The following SORCS2 variants were observed in gnomAD, a reference collection of about 807,000 sequenced individuals.
SORCS2 encodes sortilin related VPS10 domain containing receptor 2.
SORCS2 carries 100 observed loss-of-function variants against 141.6 expected under a neutral mutation model. The observed-to-expected ratio is 0.71, with a 90% CI of 0.60 to 0.83. SORCS2 has a LOEUF of 0.83. SORCS2 is among the 40% of genes least tolerant of loss of function. The pLI is 0.00. For synonymous variants in SORCS2, 789 were observed against 676.9 expected (o/e 1.17, Z -2.57); for missense variants, 1,646 against 1,560.2 (o/e 1.05, Z -0.93).
At chr4:7,575,587 A>C (rs374935402) in intron 3 of SORCS2, among the ~76,000 whole-genome samples, 2 of 152,250 alleles carry the variant, frequency 1.3e-5, no homozygotes, top group Admixed American at 1.3e-4. Context: ...TCGCAATAAC[A>C]GTGCCAAGTA....
intron 2 of SORCS2, among the ~76,000 whole-genome samples, chr4:7,485,294 C>T (rs1730907988): frequency 6.6e-6 from 1 of 152,230 alleles, no homozygotes; most frequent in Non-Finnish European, 1.5e-5. Flanking sequence ...CTCCACATTA[C>T]CAGGAGCATG....
chr4:7,585,014 G>A (rs1302955233), intron 3 of SORCS2, among the ~76,000 whole-genome samples: 1 of 152,310 alleles, frequency 6.6e-6, no homozygotes, highest in Middle Eastern at 3.4e-3. Flanking sequence ...CAACATGCAC[G>A]CCCTGAGAGG....
chr4:7,354,772 C>T (rs1420755354), intron 1 of SORCS2, among the ~76,000 whole-genome samples: 2 of 152,146 alleles, frequency 1.3e-5, no homozygotes, highest in South Asian at 2.1e-4. Context: ...CCCCACAGCA[C>T]GAGGAGCCCT....
At position 7,385,448 on chromosome 4, in the gene SORCS2, C is replaced by T. The variant is rs553362476; in HGVS notation, c.481-10840C>T. Among the ~76,000 whole-genome samples the T allele has an allele frequency of 3.3e-5, 5 of 152,310 alleles. 1 individual carries two copies. In the South Asian group the frequency reaches 8.3e-4, roughly 25 times the overall value. ...GAAGGGAAGGGGCCAGCAGGAAGTCCTCTCTTTCATGCGGGCTGGAGAGAG... is the reference window on the plus strand; with the variant it reads ...GAAGGGAAGGGGCCAGCAGGAAGTCTTCTCTTTCATGCGGGCTGGAGAGAG... On this transcript the variant is annotated intron_variant, in intron 1 of 26. Coordinates refer to ENST00000507866, the MANE Select transcript of SORCS2 (RefSeq NM_020777.3).
intron 2 of SORCS2, among the ~76,000 whole-genome samples, chr4:7,485,608 G>A (rs1385439582): frequency 6.6e-6 from 1 of 152,262 alleles, no homozygotes; most frequent in Non-Finnish European, 1.5e-5. Flanking sequence ...GGAAAACACG[G>A]GAAGGAAACG....
intron 2 of SORCS2, among the ~76,000 whole-genome samples, chr4:7,479,415 C>T (rs1730494640): frequency 6.6e-6 from 1 of 152,164 alleles, no homozygotes; most frequent in Non-Finnish European, 1.5e-5. Context: ...CAAACCTGCT[C>T]CAATTAGACA....
chr4:7,246,839 G>A (rs978311385), intron 1 of SORCS2, among the ~76,000 whole-genome samples: 16 of 152,170 alleles, frequency 1.1e-4, no homozygotes, highest in African/African-American at 3.6e-4. Flanking sequence ...CTCTTTCGCC[G>A]TGACTCGGCT....
chr4:7,229,690 C>T (rs1234278487), intron 1 of SORCS2, among the ~76,000 whole-genome samples: 1 of 152,246 alleles, frequency 6.6e-6, no homozygotes, highest in Non-Finnish European at 1.5e-5. Context: ...GTTCCAGGGT[C>T]GTGGGTGTTA....
chr4:7,360,261 A>G (rs1233196300), intron 1 of SORCS2, among the ~76,000 whole-genome samples: 2 of 152,128 alleles, frequency 1.3e-5, no homozygotes, highest in South Asian at 4.1e-4. Context: ...CATTCTTTCC[A>G]TTTTGCAGAT....
In SORCS2 at chr4:7,697,213, A is replaced by T; in HGVS notation, c.1607A>T (p.Gln536Leu). The change falls in exon 12 of 27, where the codon CAG (glutamine) becomes CTG (leucine). Residue 536 changes from glutamine to leucine, a missense_variant. Coordinates refer to ENST00000507866, the MANE Select transcript of SORCS2 (RefSeq NM_020777.3). Reference sequence around the variant, plus strand: ...TTTGGACCAGGTAACCTGGGCTCACAGCTGGTGGAATATAAAGAAGAAATG... The same window carrying T: ...TTTGGACCAGGTAACCTGGGCTCACTGCTGGTGGAATATAAAGAAGAAATG... ...LIMGAGNLGS[Q>L]LVEYKEEMYI... The T allele has an allele frequency of 6.3e-7, 1 of 1,585,460 alleles. No homozygotes were observed. Among genetic ancestry groups the T allele is most frequent in the Non-Finnish European group, 8.6e-7 (1 of 1,165,892 alleles).
intron 3 of SORCS2, among the ~76,000 whole-genome samples, chr4:7,532,159 T>A (rs948898453): frequency 1.2e-4 from 18 of 152,094 alleles, no homozygotes; most frequent in African/African-American, 4.3e-4. Context: ...CCACCGTGGG[T>A]TCCGTGAGAA....
intron 2 of SORCS2, among the ~76,000 whole-genome samples, chr4:7,458,511 T>C (rs1729069496): frequency 6.6e-6 from 1 of 152,228 alleles, no homozygotes; most frequent in African/African-American, 2.4e-5. Context: ...CTGACATTCA[T>C]GCTTCACTCC....
At chr4:7,552,781 T>C (rs4234826) in intron 3 of SORCS2, among the ~76,000 whole-genome samples, 148,177 of 152,196 alleles carry the variant, frequency 0.97, 72,260 homozygotes, top group South Asian at 1. Context: ...CCCTGAGCTC[T>C]GTATGAGCTC....
chr4:7,247,948 A>G (rs1713222913), intron 1 of SORCS2, among the ~76,000 whole-genome samples: 1 of 152,210 alleles, frequency 6.6e-6, no homozygotes, highest in Admixed American at 6.5e-5. Flanking sequence ...GATCCCCCCA[A>G]ACTCCTTACT....
At chr4:7,392,588 G>A (rs561375122) in intron 1 of SORCS2, among the ~76,000 whole-genome samples, 40 of 152,214 alleles carry the variant, frequency 2.6e-4, no homozygotes, top group African/African-American at 8.2e-4. Flanking sequence ...GGGCGGGCAG[G>A]TTCGGGAATT....
intron 1 of SORCS2, among the ~76,000 whole-genome samples, chr4:7,301,841 C>G (rs528727835): frequency 6.6e-6 from 1 of 152,240 alleles, no homozygotes; most frequent in Non-Finnish European, 1.5e-5. Flanking sequence ...ACGGGGTTAA[C>G]ACTAAGGTTC....
intron 1 of SORCS2, among the ~76,000 whole-genome samples, chr4:7,270,279 C>T (rs922504945): frequency 2.6e-5 from 4 of 152,376 alleles, no homozygotes; most frequent in African/African-American, 4.8e-5. Context: ...TGACAGCACG[C>T]GTGTGGGTGC....
chr4:7,329,441 G>T (rs1461742267), intron 1 of SORCS2, among the ~76,000 whole-genome samples: 1 of 152,148 alleles, frequency 6.6e-6, no homozygotes, highest in Non-Finnish European at 1.5e-5. Flanking sequence ...TAGTGTCTGC[G>T]CTGATAGTCA....
At chr4:7,519,919 C>T (rs1231638296) in intron 2 of SORCS2, among the ~76,000 whole-genome samples, 1 of 152,212 alleles carries the variant, frequency 6.6e-6, no homozygotes, top group Non-Finnish European at 1.5e-5. Flanking sequence ...GCAGGCGGGG[C>T]AGGGAGCATC....
Sources: allele counts gnomAD v4.1 joint callset (sites outside exome capture counted in the v4.1 genomes callset), GRCh38; gene constraint gnomAD v4.1.1; transcripts MANE v1.5; gene names NCBI Gene and HGNC (gene_info 2026-07-23, HGNC 2026-07-21).